The following CAST variants were observed in gnomAD, a reference collection of about 807,000 sequenced individuals.
The protein encoded by CAST is calpastatin, also known as MIR583 host.
A neutral mutation model predicts 119.6 loss-of-function variants in CAST; 76 were observed. The ratio of observed to expected loss-of-function variants is 0.64; its 90% confidence interval spans 0.53 to 0.77. The LOEUF (loss-of-function observed/expected upper bound fraction) is 0.77, where lower values mean the gene tolerates loss of function less well. CAST is among the 30% of genes least tolerant of loss of function. The pLI, the probability that CAST is intolerant of heterozygous loss-of-function variation, is 0.00. For missense variants in CAST, 953 were observed against 946.5 expected (o/e 1.01, Z -0.09); for synonymous variants, 319 against 331.6 (o/e 0.96, Z 0.41).
chr5:96,616,005 G>A (rs1041750010), intron 1 of CAST, among the ~76,000 whole-genome samples: 1 of 152,152 alleles, frequency 6.6e-6, no homozygotes, highest in African/African-American at 2.4e-5. Flanking sequence ...TGTAGGCTAG[G>A]AGGCTAGGCC....
chr5:96,162,511 G>A, the CAST span, among the ~76,000 whole-genome samples: 1 of 152,050 alleles, frequency 6.6e-6, no homozygotes, highest in East Asian at 1.9e-4. Flanking sequence ...TCTGCCTCCC[G>A]GGTTCAAGCA....
chr5:96,190,170 C>T, the CAST span, among the ~76,000 whole-genome samples: 1 of 152,048 alleles, frequency 6.6e-6, no homozygotes, highest in Admixed American at 6.6e-5. Flanking sequence ...GAGGGGCAGC[C>T]AGGGTGGGGC....
Position 96,726,846 on chromosome 5 carries a change from A to C in CAST, c.323A>C (p.Lys108Thr), listed in dbSNP as rs1417782434. The change falls in exon 5 of 32, where the codon AAA becomes ACA. Residue 108 changes from lysine to threonine, a missense_variant. Transcript: ENST00000675179. ...MEGPHLPNKK[K>T]HKKQAVKTEP... ...GGACCACATCTTCCTAACAAGAAAA[A>C]ACACAAAAAACAGGTGATGTTGTTC... 6.2e-7 allele frequency: 1 copy of C among 1,612,688 alleles called. No homozygotes were observed. The highest frequency in any genetic ancestry group is 1.7e-5 in the Admixed American group (1 of 59,914).
the CAST span, among the ~76,000 whole-genome samples, chr5:96,174,743 A>G: frequency 7.2e-3 from 1,093 of 152,340 alleles, 9 homozygotes; most frequent in African/African-American, 0.025. Flanking sequence ...AAATAAGTAA[A>G]AATGTGTTTT....
chr5:96,674,428 T>C (rs1750461896), intron 1 of CAST, among the ~76,000 whole-genome samples: 1 of 152,032 alleles, frequency 6.6e-6, no homozygotes, highest in South Asian at 2.1e-4. Flanking sequence ...TTTGATTCAA[T>C]TGAGGATGAT....
At chr5:96,279,655 T>G in the CAST span, among the ~76,000 whole-genome samples, 10 of 152,220 alleles carry the variant, frequency 6.6e-5, no homozygotes, top group African/African-American at 2.4e-4. Context: ...TAGAGCACCA[T>G]GTATCAATGT....
At chr5:96,260,043 G>A in the CAST span, among the ~76,000 whole-genome samples, 47 of 151,486 alleles carry the variant, frequency 3.1e-4, no homozygotes, top group East Asian at 7.0e-3. Flanking sequence ...TTTTCCATAC[G>A]CCAGAGGAGC....
chr5:96,007,601 C>A, the CAST span, among the ~76,000 whole-genome samples: 1 of 150,684 alleles, frequency 6.6e-6, no homozygotes, highest in African/African-American at 2.5e-5. Flanking sequence ...GAAATTAGTG[C>A]CCTTTTAAGA....
At chr5:96,607,506 C>A (rs1747281687) in intron 1 of CAST, among the ~76,000 whole-genome samples, 1 of 152,106 alleles carries the variant, frequency 6.6e-6, no homozygotes, top group Admixed American at 6.5e-5. Flanking sequence ...GAATATCATC[C>A]CTTAGACTTC....
chr5:96,769,724 T>C (rs1561631377), intron 29 of CAST: 1 of 152,062 alleles, frequency 6.6e-6, no homozygotes, highest in East Asian at 1.9e-4. Context: ...CTTTGACCTA[T>C]ATCTCTGTTT....
At chr5:96,003,304 C>T in the CAST span, among the ~76,000 whole-genome samples, 61 of 151,830 alleles carry the variant, frequency 4.0e-4, 3 homozygotes, top group East Asian at 7.5e-3. Context: ...TTTGGGAGGC[C>T]GAGGAGGGCA....
At chr5:96,006,050 C>T in the CAST span, among the ~76,000 whole-genome samples, 1 of 152,214 alleles carries the variant, frequency 6.6e-6, no homozygotes, top group Non-Finnish European at 1.5e-5. Context: ...CCCAAAAATA[C>T]GATTTTTAAA....
the CAST span, among the ~76,000 whole-genome samples, chr5:96,196,281 C>A: frequency 6.6e-6 from 1 of 151,966 alleles, no homozygotes; most frequent in Non-Finnish European, 1.5e-5. Flanking sequence ...CCATTCAAAC[C>A]TTTTGAAGTA....
chr5:95,967,089 C>T, the CAST span, among the ~76,000 whole-genome samples: 6 of 152,146 alleles, frequency 3.9e-5, no homozygotes, highest in Non-Finnish European at 8.8e-5. Flanking sequence ...CATTTCCATG[C>T]TGTTTTGTAC....
At chr5:96,458,318 G>A in the CAST span, among the ~76,000 whole-genome samples, 1 of 152,188 alleles carries the variant, frequency 6.6e-6, no homozygotes, top group African/African-American at 2.4e-5. Context: ...GAGTCAAACA[G>A]TTGCAAAAGA....
the CAST span, among the ~76,000 whole-genome samples, chr5:96,467,861 C>G: frequency 6.6e-6 from 1 of 151,912 alleles, no homozygotes; most frequent in Non-Finnish European, 1.5e-5. Flanking sequence ...ATCTACTGTT[C>G]GATCCAGCAA....
chr5:96,340,531 A>T, the CAST span, among the ~76,000 whole-genome samples: 1 of 152,154 alleles, frequency 6.6e-6, no homozygotes, highest in African/African-American at 2.4e-5. Flanking sequence ...GTTGGCTCCT[A>T]ATAGACTCTG....
chr5:96,493,393 C>T, the CAST span, among the ~76,000 whole-genome samples: 1 of 152,138 alleles, frequency 6.6e-6, no homozygotes, highest in Non-Finnish European at 1.5e-5. Context: ...GCAATCTAGT[C>T]CTACCGCCAT....
chr5:96,321,939 A>C, the CAST span, among the ~76,000 whole-genome samples: 1 of 152,204 alleles, frequency 6.6e-6, no homozygotes, highest in Non-Finnish European at 1.5e-5. Context: ...AAAATGACAC[A>C]AACCCAACAA....
Sources: gnomAD v4.1 joint callset for allele counts (sites outside exome capture counted in the v4.1 genomes callset) on GRCh38, gnomAD v4.1.1 for gene constraint, MANE v1.5 for transcripts, NCBI Gene and HGNC (gene_info 2026-07-23, HGNC 2026-07-21) for gene names.